Variants in PRKX observed in about 807,000 individuals in gnomAD.
PRKX encodes the protein protein kinase cAMP-dependent X-linked catalytic subunit.
Under a neutral mutation model 22.0 loss-of-function variants are expected in PRKX, and 12 were observed. That is an observed-to-expected ratio of 0.54 (90% confidence interval 0.35 to 0.88). The LOEUF (loss-of-function observed/expected upper bound fraction) is 0.88, where lower values mean the gene tolerates loss of function less well. Among genes scored for constraint, PRKX ranks in the 40% least tolerant of loss-of-function variants. PRKX has a pLI of 0.01. For synonymous variants in PRKX, 134 were observed against 137.7 expected, an observed-to-expected ratio of 0.97 and a Z score of 0.19; for missense variants, 217 against 308.0, an observed-to-expected ratio of 0.70 and a Z score of 2.21.
intron 1 of PRKX, among the ~76,000 whole-genome samples, chrX:3,681,012 T>A (rs745842661): frequency 9.9e-4 from 107 of 108,327 alleles, no homozygotes; most frequent in Middle Eastern, 5.1e-3. Context: ...AGGTGGAGGC[T>A]GCAGTGAGCT....
intron 4 of PRKX, among the ~76,000 whole-genome samples, chrX:3,638,050 T>G (rs887637967): frequency 3.6e-5 from 4 of 111,146 alleles, no homozygotes; most frequent in Non-Finnish European, 7.5e-5. Flanking sequence ...GTGTGAGCCA[T>G]GGTGCCTGGC....
At chrX:3,688,622 G>GGCC (rs1247267600) in intron 1 of PRKX, among the ~76,000 whole-genome samples, 4 of 110,763 alleles carry the variant, frequency 3.6e-5, no homozygotes, top group African/African-American at 1.3e-4. Context: ...CAGCACTTTA[G>GGCC]AAGGCTGAAG....
At chrX:3,664,235 CTT>C (rs761884932) in intron 2 of PRKX, among the ~76,000 whole-genome samples, 383 of 111,912 alleles carry the variant, frequency 3.4e-3, no homozygotes, top group African/African-American at 0.012. Flanking sequence ...TGTTTTCTTA[CTT>C]TTTTGTTTTT....
intron 1 of PRKX, among the ~76,000 whole-genome samples, chrX:3,693,098 G>C (rs1365562215): frequency 1.8e-5 from 2 of 110,431 alleles, no homozygotes; most frequent in Non-Finnish European, 3.8e-5. Context: ...ACAACACAAG[G>C]TTGGTCCCTC....
intron 5 of PRKX, among the ~76,000 whole-genome samples, chrX:3,623,486 G>A (rs771286251): frequency 9.0e-6 from 1 of 111,025 alleles, no homozygotes; most frequent in Admixed American, 9.7e-5. Flanking sequence ...AGCCCAGGAC[G>A]TCGAGGCTGC....
intron 7 of PRKX, among the ~76,000 whole-genome samples, chrX:3,614,957 A>G (rs964787969): frequency 9.3e-6 from 1 of 107,565 alleles, no homozygotes; most frequent in Non-Finnish European, 1.9e-5. Flanking sequence ...TTCTCTGAGC[A>G]CAGTCTCCTC....
In PRKX at chrX:3,650,905, A is replaced by G. The variant is rs937874736; in HGVS notation, c.599+4244T>C. On this transcript the variant is annotated intron_variant, in intron 3 of 8. Coordinates refer to ENST00000262848, the MANE Select transcript of PRKX (RefSeq NM_005044.5). ...AAAAAAAAAAAAAAAAAAAAAAAAAAATTATTCAAGATGAGGCCTCCCTGT... is the reference window on the plus strand; with the variant it reads ...AAAAAAAAAAAAAAAAAAAAAAAAAGATTATTCAAGATGAGGCCTCCCTGT... Among the ~76,000 whole-genome samples the G allele has an allele frequency of 9.7e-3, 984 of 101,770 alleles. 18 individuals carry two copies. Among genetic ancestry groups the G allele is most frequent in the African/African-American group, 0.033 (932 of 28,554 alleles). 88.4% of individuals were successfully genotyped at this position (101,770 alleles called of 115,157 possible).
chrX:3,650,250 G>A (rs779197685), intron 3 of PRKX, among the ~76,000 whole-genome samples: 2 of 111,646 alleles, frequency 1.8e-5, no homozygotes, highest in Admixed American at 1.9e-4. Context: ...GGCGGGGCAC[G>A]GTGGCTCACG....
chrX:3,673,380 G>A (rs1927886763), intron 2 of PRKX, among the ~76,000 whole-genome samples: 1 of 111,366 alleles, frequency 9.0e-6, no homozygotes, highest in South Asian at 3.8e-4. Flanking sequence ...GGAGGATGCT[G>A]CATTGCTGGG....
At chrX:3,689,386 A>G (rs932637522) in intron 1 of PRKX, among the ~76,000 whole-genome samples, 2 of 112,744 alleles carry the variant, frequency 1.8e-5, no homozygotes, top group African/African-American at 6.4e-5. Flanking sequence ...AAGTATTTTT[A>G]AAAAAGAGTG....
intron 1 of PRKX, among the ~76,000 whole-genome samples, chrX:3,684,728 A>G (rs6567585): frequency 0.34 from 37,307 of 110,650 alleles, 5,715 homozygotes; most frequent in East Asian, 0.63. Flanking sequence ...CCTCTCTCCT[A>G]GGCTTGTCGA....
chrX:3,689,585 C>G (rs931082135), intron 1 of PRKX, among the ~76,000 whole-genome samples: 2 of 111,748 alleles, frequency 1.8e-5, no homozygotes, highest in African/African-American at 3.3e-5. Context: ...GAAGCTGAGG[C>G]AGGAGGATCA....
chrX:3,695,400 CTTGTT>C (rs1928424025), intron 1 of PRKX, among the ~76,000 whole-genome samples: 1 of 110,870 alleles, frequency 9.0e-6, no homozygotes, highest in African/African-American at 3.3e-5. Flanking sequence ...TTTGGATTTT[CTTGTT>C]TTGTTTTGCT....
chrX:3,690,723 C>A (rs1283183133), intron 1 of PRKX, among the ~76,000 whole-genome samples: 1 of 111,771 alleles, frequency 8.9e-6, no homozygotes, highest in East Asian at 2.8e-4. Context: ...AGAGCGAGAC[C>A]CTGTCCCAAA....
At chrX:3,705,691 C>CTT (rs1365283802) in intron 1 of PRKX, among the ~76,000 whole-genome samples, 6 of 101,803 alleles carry the variant, frequency 5.9e-5, no homozygotes, top group South Asian at 4.2e-4. Flanking sequence ...TTTTTCTTTT[C>CTT]TTTTTTTTTT....
In PRKX at chrX:3,617,574, AGGTCAAGGCTGCAGT is replaced by A. The variant is rs1182168189; in HGVS notation, c.874-1697_874-1683del. Among the ~76,000 whole-genome samples the A allele has an allele frequency of 5.4e-5, 6 of 110,825 alleles. No individual in the cohort carries two copies. The East Asian group carries it at 1.7e-3, about 31-fold the overall frequency. ...GGTGGGAGGATCACTTGACGCCAGG[AGGTCAAGGCTGCAGT>A]GAGCTGTGATCGCACCACTGCACTC... is the stretch of plus-strand genomic sequence containing the variant. On this transcript the variant is annotated intron_variant, in intron 6 of 8. Coordinates refer to ENST00000262848, the MANE Select transcript of PRKX (RefSeq NM_005044.5).
intron 3 of PRKX, among the ~76,000 whole-genome samples, chrX:3,653,460 T>C (rs6641591): frequency 0.32 from 33,934 of 107,314 alleles, 4,370 homozygotes; most frequent in East Asian, 0.62. Flanking sequence ...TGTAATGGTT[T>C]GTTTCATGTG....
intron 6 of PRKX, among the ~76,000 whole-genome samples, chrX:3,617,155 T>C (rs1370411535): frequency 1.3e-4 from 7 of 53,669 alleles, no homozygotes; most frequent in East Asian, 8.9e-4. Flanking sequence ...CACATACTTA[T>C]ATACATACAC....
At chrX:3,700,749 TTTGTTGTTG>T (rs3073363) in intron 1 of PRKX, among the ~76,000 whole-genome samples, 10 of 105,468 alleles carry the variant, frequency 9.5e-5, no homozygotes, top group Non-Finnish European at 1.7e-4. Context: ...CAGCTAATTG[TTTGTTGTTG>T]TTGTTGTTGT....
Sources: gnomAD v4.1 joint callset for allele counts (sites outside exome capture counted in the v4.1 genomes callset) on GRCh38, gnomAD v4.1.1 for gene constraint, MANE v1.5 for transcripts, NCBI Gene and HGNC (gene_info 2026-07-23, HGNC 2026-07-21) for gene names.